Variants in ARSG observed in about 807,000 individuals in gnomAD.
ARSG encodes the protein ASG.
In ARSG, 37 loss-of-function variants were observed where a neutral mutation model predicts 50.5. That is an observed-to-expected ratio of 0.73 (90% CI 0.56 to 0.96). The LOEUF (loss-of-function observed/expected upper bound fraction) is 0.96, where lower values mean the gene tolerates loss of function less well. Ranked by LOEUF, ARSG falls within the 50% of genes least tolerant of loss-of-function variation. ARSG has a pLI of 0.00. For synonymous variants in ARSG, 225 were observed against 254.6 expected, an observed-to-expected ratio of 0.88 and a Z score of 1.11; for missense variants, 629 against 675.3, an observed-to-expected ratio of 0.93 and a Z score of 0.76.
At chr17:68,414,670 G>A (rs921052976) in intron 11 of ARSG, among the ~76,000 whole-genome samples, 1 of 152,058 alleles carries the variant, frequency 6.6e-6, no homozygotes, top group African/African-American at 2.4e-5. Flanking sequence ...TTTTGTTGTT[G>A]TTGTTGTTGG....
At chr17:68,262,256 T>C (rs1347137111) in intron 1 of ARSG, among the ~76,000 whole-genome samples, 2 of 151,128 alleles carry the variant, frequency 1.3e-5, no homozygotes, top group Non-Finnish European at 2.9e-5. Context: ...CGGATCACGA[T>C]GTCAGGAGAT....
chr17:68,296,855 C>T (rs1392113651), intron 1 of ARSG, among the ~76,000 whole-genome samples: 1 of 152,154 alleles, frequency 6.6e-6, no homozygotes, highest in African/African-American at 2.4e-5. Context: ...TCAACAAGTA[C>T]AATTTTACAA....
intron 1 of ARSG, among the ~76,000 whole-genome samples, chr17:68,281,169 A>G (rs1176213952): frequency 3.3e-5 from 5 of 152,032 alleles, no homozygotes; most frequent in Non-Finnish European, 7.4e-5. Flanking sequence ...ACAGAAGGGT[A>G]GACAATATTT....
At chr17:68,290,335 A>C (rs1225936180), upstream of ARSG, among the ~76,000 whole-genome samples, 1 of 152,256 alleles carries the variant, frequency 6.6e-6, no homozygotes, top group African/African-American at 2.4e-5. Context: ...GGGAATAAAA[A>C]GAAAAGACGA....
chr17:68,263,959 G>T (rs1599468867), intron 1 of ARSG, among the ~76,000 whole-genome samples: 1 of 152,272 alleles, frequency 6.6e-6, no homozygotes, highest in Admixed American at 6.5e-5. Context: ...CCAGGTTCAA[G>T]TGCTTCTCCT....
the ARSG span, chr17:68,436,381 C>T: frequency 6.8e-6 from 11 of 1,613,642 alleles, no homozygotes; most frequent in African/African-American, 1.3e-5. Flanking sequence ...CGTCAACTTA[C>T]CAGGGAGTTT....
chr17:68,412,693 CT>C (rs2082081520), intron 11 of ARSG, among the ~76,000 whole-genome samples: 1 of 152,108 alleles, frequency 6.6e-6, no homozygotes, highest in African/African-American at 2.4e-5. Flanking sequence ...GGAAGTTCTC[CT>C]GGATAATATC....
chr17:68,431,581 T>G, the ARSG span, among the ~76,000 whole-genome samples: 1 of 152,202 alleles, frequency 6.6e-6, no homozygotes, highest in South Asian at 2.1e-4. Flanking sequence ...TTCAGAAGAT[T>G]AATCAGCAAG....
intron 2 of ARSG, among the ~76,000 whole-genome samples, chr17:68,319,673 A>G (rs1405043072): frequency 2.0e-5 from 3 of 152,190 alleles, no homozygotes; most frequent in African/African-American, 7.2e-5. Context: ...GTGAATCTCT[A>G]CGAAGAGGAG....
chr17:68,277,937 T>A (rs2075577545), intron 1 of ARSG: 1 of 600,140 alleles, frequency 1.7e-6, no homozygotes, highest in South Asian at 2.2e-5. Flanking sequence ...CAATCCTCAA[T>A]GCTCTGAAAA....
chr17:68,283,132 A>G (rs1196033877), intron 1 of ARSG: 2 of 151,926 alleles, frequency 1.3e-5, no homozygotes, highest in Non-Finnish European at 2.9e-5. Context: ...GTCTAAAAAA[A>G]ATTTTTTTTT....
chr17:68,273,369 C>A (rs141560525), intron 1 of ARSG, among the ~76,000 whole-genome samples: 3 of 152,122 alleles, frequency 2.0e-5, no homozygotes, highest in African/African-American at 7.2e-5. Flanking sequence ...ACCACAGGCA[C>A]GCACCACCAC....
intron 2 of ARSG, among the ~76,000 whole-genome samples, chr17:68,336,313 G>A (rs970712606): frequency 7.3e-5 from 11 of 150,042 alleles, no homozygotes; most frequent in East Asian, 5.9e-4. Context: ...AGATTCAAGC[G>A]GTTCTCCTGC....
chr17:68,344,327 C>T (rs761159435), intron 3 of ARSG, among the ~76,000 whole-genome samples: 4 of 152,214 alleles, frequency 2.6e-5, no homozygotes, highest in Admixed American at 2.0e-4. Flanking sequence ...TAGTGACTGA[C>T]TTGAACTTGG....
At chr17:68,439,084 A>G in the ARSG span, among the ~76,000 whole-genome samples, 1 of 152,208 alleles carries the variant, frequency 6.6e-6, no homozygotes, top group Non-Finnish European at 1.5e-5. Flanking sequence ...GCAGTTCTTC[A>G]AAAGCTAAAC....
At position 68,260,188 on chromosome 17, in the gene ARSG, G is replaced by A. The variant is rs142698377; in HGVS notation, c.-552+762G>A. ...TTATTTAGTCCATTTCATGCATGAG[G>A]ACACAAGCCTGCAGCAGCCGAGTAA... is the stretch of plus-strand genomic sequence containing the variant. On this transcript the variant is annotated intron_variant, in intron 1 of 11. Transcript: ENST00000448504. Among the ~76,000 whole-genome samples the A allele has an allele frequency of 1.7e-3, 265 of 152,274 alleles. 2 individuals are homozygous for A. Among genetic ancestry groups the A allele is most frequent in the African/African-American group, 6.1e-3 (252 of 41,566 alleles).
At chr17:68,352,377 A>G (rs1024378368) in intron 5 of ARSG, among the ~76,000 whole-genome samples, 1 of 151,936 alleles carries the variant, frequency 6.6e-6, no homozygotes, top group Non-Finnish European at 1.5e-5. Flanking sequence ...CAAGTCATCA[A>G]CGGTAAGATC....
chr17:68,420,118 G>T, intron 11 of ARSG, 71 bp from the exon 12 acceptor site: 1 of 1,532,908 alleles, frequency 6.5e-7, no homozygotes, highest in Non-Finnish European at 8.9e-7. Context: ...AGAATCACTC[G>T]CAGCTCTCGT....
At chr17:68,274,340 C>T (rs2075441392) in intron 1 of ARSG, 1 of 265,604 alleles carries the variant, frequency 3.8e-6, no homozygotes, top group South Asian at 6.4e-5. Flanking sequence ...GTGGTGTGCA[C>T]CTGTAGTCCC....
Sources: gnomAD v4.1 joint callset for allele counts (sites outside exome capture counted in the v4.1 genomes callset) on GRCh38, gnomAD v4.1.1 for gene constraint, MANE v1.5 for transcripts, NCBI Gene and HGNC (gene_info 2026-07-23, HGNC 2026-07-21) for gene names.